Variants in GUCY1A2 observed in about 807,000 individuals in gnomAD.
The protein encoded by GUCY1A2 is guanylate cyclase 1 soluble subunit alpha 2, also known as guanylate cyclase soluble subunit alpha-2.
Under a neutral mutation model 63.5 loss-of-function variants are expected in GUCY1A2, and 27 were observed. The observed-to-expected ratio is 0.43, with a 90% CI of 0.31 to 0.59. The LOEUF (loss-of-function observed/expected upper bound fraction) is 0.59. Ranked by LOEUF, GUCY1A2 falls within the 20% of genes least tolerant of loss-of-function variation. The pLI is 0.11. For missense variants in GUCY1A2, 768 were observed against 913.3 expected, an observed-to-expected ratio of 0.84 and a Z score of 2.05; for synonymous variants, 364 against 343.5, an observed-to-expected ratio of 1.06 and a Z score of -0.66.
At chr11:106,905,308 A>T (rs772024963) in intron 4 of GUCY1A2, among the ~76,000 whole-genome samples, 11 of 152,112 alleles carry the variant, frequency 7.2e-5, no homozygotes, top group Admixed American at 4.6e-4. Context: ...AGTCAGATAA[A>T]GCTGCAATAA....
At chr11:106,947,211 C>A (rs1306091160) in intron 3 of GUCY1A2, among the ~76,000 whole-genome samples, 1 of 140,272 alleles carries the variant, frequency 7.1e-6, no homozygotes. Flanking sequence ...AGCAAGACTC[C>A]ATCTCACAAA....
In GUCY1A2 at chr11:106,685,813, C is replaced by T. The variant is rs1259879387; in HGVS notation, c.*1736G>A. The stretch of plus-strand genomic sequence containing the variant: ...TTCTCCATATAAAGAGTGTTGCACT[C>T]GTGTCCTTGTAAACCCCCAGGGCAA... On this transcript the variant is annotated 3_prime_UTR_variant, in exon 8 of 8. Transcript: ENST00000526355. 5 of 225,688 alleles carry T rather than the reference C, an allele frequency of 2.2e-5. No homozygotes were observed. Among genetic ancestry groups the T allele is most frequent in the East Asian group, 6.4e-5 (1 of 15,672 alleles). The allele number at this position is 225,688 out of a possible 1,614,324, so 14.0% of individuals were successfully genotyped here.
intron 6 of GUCY1A2, among the ~76,000 whole-genome samples, chr11:106,733,503 AAGAGAAT>A (rs1207350844): frequency 6.6e-6 from 1 of 152,148 alleles, no homozygotes; most frequent in African/African-American, 2.4e-5. Context: ...GTACCTCTTT[AAGAGAAT>A]AGCTGCTTAA....
Position 106,679,604 on chromosome 11 carries a change from G to A in GUCY1A2, c.*7945C>T, listed in dbSNP as rs951697970. On this transcript the variant is annotated 3_prime_UTR_variant, in exon 8 of 8. Coordinates refer to ENST00000526355, the MANE Select transcript of GUCY1A2 (RefSeq NM_000855.3). The stretch of plus-strand genomic sequence containing the variant: ...TTTTTAAATGATTCATAAGACAAAA[G>A]TATATTCTTCTCACTGAATGCTAGC... The A allele has an allele frequency of 4.8e-6, 1 of 208,966 alleles. No homozygotes were observed. Among genetic ancestry groups the A allele is most frequent in the African/African-American group, 2.3e-5 (1 of 43,926 alleles). 12.9% of individuals were successfully genotyped at this position (208,966 alleles called of 1,614,324 possible). A position where few individuals can be genotyped will look rare whatever the true frequency, so the allele number is the denominator to read the frequency against.
At chr11:106,799,929 G>A (rs2135418057) in intron 5 of GUCY1A2, among the ~76,000 whole-genome samples, 1 of 152,278 alleles carries the variant, frequency 6.6e-6, no homozygotes, top group South Asian at 2.1e-4. Flanking sequence ...CACAGCAAAA[G>A]AAACCACCAT....
chr11:106,977,845 G>T lies in GUCY1A2; in HGVS notation c.487+774C>A, dbSNP rs189165077. ...CAGCACCCCATGGATTCCTATCTGGGTCATAAAGAAAAAAGAATTCCAAAA... is the reference window on the plus strand; with the variant it reads ...CAGCACCCCATGGATTCCTATCTGGTTCATAAAGAAAAAAGAATTCCAAAA... On this transcript the variant is annotated intron_variant, in intron 3 of 7. Transcript: ENST00000526355. Among the ~76,000 whole-genome samples the T allele has an allele frequency of 3.3e-5, 5 of 152,074 alleles. No individual in the cohort carries two copies. The East Asian group carries it at 9.7e-4, about 29-fold the overall frequency.
intron 5 of GUCY1A2, among the ~76,000 whole-genome samples, chr11:106,793,964 A>AAAT (rs891052247): frequency 8.5e-4 from 130 of 152,228 alleles, no homozygotes; most frequent in African/African-American, 2.9e-3. Flanking sequence ...ATTAAAAGTA[A>AAAT]AATTATAATT....
chr11:106,950,526 A>T (rs1367737496), intron 3 of GUCY1A2, among the ~76,000 whole-genome samples: 2 of 152,188 alleles, frequency 1.3e-5, no homozygotes, highest in African/African-American at 2.4e-5. Flanking sequence ...CTCCCTGCAG[A>T]TAAGTATTCT....
chr11:106,971,219 A>ATGTGTGTGTGTGTGTGTGTG lies in GUCY1A2; in HGVS notation c.487+7380_487+7399dup, dbSNP rs67190015. On this transcript the variant is annotated intron_variant, in intron 3 of 7. Coordinates refer to ENST00000526355, the MANE Select transcript of GUCY1A2 (RefSeq NM_000855.3). The stretch of plus-strand genomic sequence containing the variant: ...CTAAACTTACTGTATACAAATTTAA[A>ATGTGTGTGTGTGTGTGTGTG]TGTGTGTGTGTGTGTGTGTGTGTGT... Among the ~76,000 whole-genome samples, 392 of 149,252 alleles carry ATGTGTGTGTGTGTGTGTGTG rather than the reference A, an allele frequency of 2.6e-3. 1 individual carries two copies. The highest frequency in any genetic ancestry group is 9.2e-3 in the African/African-American group (374 of 40,626).
intron 3 of GUCY1A2, among the ~76,000 whole-genome samples, chr11:106,956,104 G>A (rs1016783110): frequency 3.3e-5 from 5 of 151,410 alleles, no homozygotes; most frequent in Non-Finnish European, 7.4e-5. Context: ...TGTATGCTTC[G>A]TGAAGTTCTC....
At chr11:106,994,662 T>C (rs1861512539) in intron 1 of GUCY1A2, among the ~76,000 whole-genome samples, 1 of 152,212 alleles carries the variant, frequency 6.6e-6, no homozygotes, top group Non-Finnish European at 1.5e-5. Flanking sequence ...GAGGTTAAAG[T>C]GTTTTGCCTC....
intron 6 of GUCY1A2, chr11:106,746,595 C>A: frequency 6.3e-7 from 1 of 1,596,712 alleles, no homozygotes; most frequent in South Asian, 1.1e-5. Flanking sequence ...TGATCTGGAA[C>A]CAGCTGGATG....
chr11:106,678,713 C>CA lies in GUCY1A2; in HGVS notation c.*8835dup, dbSNP rs1862385887. On this transcript the variant is annotated 3_prime_UTR_variant, in exon 8 of 8. Coordinates refer to ENST00000526355, the MANE Select transcript of GUCY1A2 (RefSeq NM_000855.3). ...CTTAGATTTTATTCCGAGAAGTTTA[C>CA]AATGCGTTGTTCTATATTCTAATGT... 1 of 204,358 alleles carries CA rather than the reference C, an allele frequency of 4.9e-6. No individual in the cohort carries two copies. Among genetic ancestry groups the CA allele is most frequent in the African/African-American group, 2.3e-5 (1 of 43,750 alleles). 12.7% of individuals were successfully genotyped at this position (204,358 alleles called of 1,614,324 possible).
At chr11:106,735,856 T>C (rs925936796) in intron 6 of GUCY1A2, among the ~76,000 whole-genome samples, 2 of 152,188 alleles carry the variant, frequency 1.3e-5, no homozygotes, top group Admixed American at 6.5e-5. Flanking sequence ...CATGGTAGTT[T>C]TGTTTTGCAT....
At chr11:106,722,334 T>C (rs1395208520) in intron 6 of GUCY1A2, among the ~76,000 whole-genome samples, 6 of 151,880 alleles carry the variant, frequency 4.0e-5, no homozygotes, top group Non-Finnish European at 8.8e-5. Context: ...GACTAGACTT[T>C]CTAAAATTGT....
At chr11:106,733,445 C>A (rs1431592625) in intron 6 of GUCY1A2, among the ~76,000 whole-genome samples, 1 of 152,118 alleles carries the variant, frequency 6.6e-6, no homozygotes, top group Non-Finnish European at 1.5e-5. Flanking sequence ...AAACACTGGT[C>A]AAGGCATCAT....
intron 6 of GUCY1A2, among the ~76,000 whole-genome samples, chr11:106,750,181 C>G (rs1863859366): frequency 6.6e-6 from 1 of 152,184 alleles, no homozygotes; most frequent in South Asian, 2.1e-4. Flanking sequence ...AACATGGAGT[C>G]TGGTATCTAT....
Position 106,940,028 on chromosome 11 carries a change from G to C in GUCY1A2, c.638C>G (p.Ser213Cys). The stretch of plus-strand genomic sequence containing the variant: ...CTCCAGAGTGGCCTGTTTTCCAAAA[G>C]AAGTTCTAATGTGTTCCAACAAAGC... The part of the protein sequence containing the change: ...FDALLEHIRT[S>C]FGKQATLESP... Residue 213 changes from serine to cysteine, a missense_variant, in exon 4 of 8, where the codon TCT (serine) becomes TGT (cysteine). Physicochemically the swap from Ser to Cys is moderately radical, Grantham distance 112. Coordinates refer to ENST00000526355, the MANE Select transcript of GUCY1A2 (RefSeq NM_000855.3). 1 of 1,613,998 alleles carries C rather than the reference G, an allele frequency of 6.2e-7. No homozygotes were observed. The highest frequency in any genetic ancestry group is 8.5e-7 in the Non-Finnish European group (1 of 1,179,940).
intron 6 of GUCY1A2, among the ~76,000 whole-genome samples, chr11:106,734,019 C>T (rs973044878): frequency 2.6e-5 from 4 of 152,096 alleles, no homozygotes; most frequent in Non-Finnish European, 4.4e-5. Context: ...GAATAGGTAA[C>T]AATATAGTAA....
Sources: allele counts gnomAD v4.1 joint callset (sites outside exome capture counted in the v4.1 genomes callset), GRCh38; gene constraint gnomAD v4.1.1; transcripts MANE v1.5; gene names NCBI Gene and HGNC (gene_info 2026-07-23, HGNC 2026-07-21).